Variants in FMNL2 observed in about 807,000 individuals in gnomAD.
FMNL2 encodes the protein formin like 2.
A neutral mutation model predicts 130.2 loss-of-function variants in FMNL2; 51 were observed. The observed-to-expected ratio is 0.39, with a 90% CI of 0.31 to 0.49. FMNL2 has a LOEUF of 0.49. Ranked by LOEUF, FMNL2 falls within the 20% of genes least tolerant of loss-of-function variation. The pLI is 0.85. For missense variants in FMNL2, 977 were observed against 1,316.2 expected (o/e 0.74, Z 3.99); for synonymous variants, 465 against 467.1 (o/e 1.00, Z 0.06).
intron 1 of FMNL2, among the ~76,000 whole-genome samples, chr2:152,447,959 C>A (rs998969129): frequency 2.6e-5 from 4 of 152,078 alleles, no homozygotes; most frequent in Non-Finnish European, 4.4e-5. Flanking sequence ...TGTAACAAGA[C>A]CACTAGTCTC....
intron 1 of FMNL2, among the ~76,000 whole-genome samples, chr2:152,394,389 G>T (rs1685283218): frequency 6.6e-6 from 1 of 151,946 alleles, no homozygotes. Flanking sequence ...GTTAGTACTG[G>T]GTTCACTAAC....
intron 9 of FMNL2, among the ~76,000 whole-genome samples, chr2:152,597,820 G>T (rs1697846399): frequency 6.6e-6 from 1 of 152,244 alleles, no homozygotes; most frequent in Non-Finnish European, 1.5e-5. Flanking sequence ...ATCTTGGGCT[G>T]GGTGGAAGTG....
chr2:152,480,238 C>G (rs549430555), intron 1 of FMNL2, among the ~76,000 whole-genome samples: 1 of 152,238 alleles, frequency 6.6e-6, no homozygotes, highest in African/African-American at 2.4e-5. Flanking sequence ...CTAATTTGAC[C>G]ACTACAACTC....
chr2:152,610,420 C>G (rs949499880), intron 10 of FMNL2, among the ~76,000 whole-genome samples: 1 of 152,110 alleles, frequency 6.6e-6, no homozygotes, highest in Non-Finnish European at 1.5e-5. Flanking sequence ...GCGTCACCCC[C>G]CCAGAAAAAA....
intron 1 of FMNL2, among the ~76,000 whole-genome samples, chr2:152,466,682 C>T (rs1689562203): frequency 6.6e-6 from 1 of 152,180 alleles, no homozygotes; most frequent in Non-Finnish European, 1.5e-5. Context: ...CTCAGGCTTT[C>T]CTTAGTATTA....
In FMNL2 at chr2:152,618,932, C is replaced by T. The variant is rs1367728138; in HGVS notation, c.1401C>T (p.Thr467=). The change falls in exon 14 of 26, where the codon ACC becomes ACT. Residue 467 remains threonine, a synonymous_variant. Coordinates refer to ENST00000288670, the MANE Select transcript of FMNL2 (RefSeq NM_052905.4). ...AAGAAGCAATTCAAAGACAGTCTAC[C>T]CTGGAAAAAAAGATTCATGAGCTAG... The part of the protein sequence containing the change: ...EKEEAIQRQS[T]LEKKIHELEK... The T allele has an allele frequency of 5.0e-6, 8 of 1,613,786 alleles. No homozygotes were observed. The highest frequency in any genetic ancestry group is 2.2e-5 in the East Asian group (1 of 44,886).
At chr2:152,632,180 G>T (rs746295013) in intron 21 of FMNL2, 43 bp downstream of exon 21, 2 of 1,585,808 alleles carry the variant, frequency 1.3e-6, no homozygotes, top group Non-Finnish European at 1.7e-6. Flanking sequence ...GGTATTTAAT[G>T]CCTTTAATTG....
intron 6 of FMNL2, among the ~76,000 whole-genome samples, chr2:152,562,058 T>G (rs1366837402): frequency 6.6e-6 from 1 of 152,194 alleles, no homozygotes; most frequent in Admixed American, 6.5e-5. Context: ...TTTTTGTGCT[T>G]CTTATTTGTC....
chr2:152,617,173 A>C lies in FMNL2; in HGVS notation c.1295A>C (p.Lys432Thr). The change falls in exon 13 of 26, where the codon AAG becomes ACG. Residue 432 changes from lysine to threonine, a missense_variant. Lys to Thr is a moderately conservative substitution (Grantham distance 78, BLOSUM62 -1). Coordinates refer to ENST00000288670, the MANE Select transcript of FMNL2 (RefSeq NM_052905.4). ...GAAAAGCAACTCATGCAGAGGAACA[A>C]GGAGCTGGATGTCGTTCGGGTAAGT... ...ELEKQLMQRN[K>T]ELDVVREIYK... 1.2e-6 allele frequency: 2 copies of C among 1,614,000 alleles called. No homozygotes were observed. The highest frequency in any genetic ancestry group is 1.7e-6 in the Non-Finnish European group (2 of 1,179,868).
chr2:152,537,214 C>T (rs1280031536), intron 2 of FMNL2, among the ~76,000 whole-genome samples: 5 of 152,222 alleles, frequency 3.3e-5, no homozygotes, highest in Non-Finnish European at 5.9e-5. Flanking sequence ...AATTAATTTA[C>T]TACACCCCTG....
At chr2:152,613,831 G>C (rs1698809462) in intron 11 of FMNL2, among the ~76,000 whole-genome samples, 1 of 152,220 alleles carries the variant, frequency 6.6e-6, no homozygotes, top group South Asian at 2.1e-4. Flanking sequence ...GTTCCCCAGG[G>C]AAAGTCATGA....
intron 1 of FMNL2, among the ~76,000 whole-genome samples, chr2:152,363,937 C>T (rs1024861479): frequency 2.0e-5 from 3 of 152,014 alleles, no homozygotes; most frequent in Admixed American, 1.3e-4. Flanking sequence ...TTTGCTATAG[C>T]AGACCCCAAA....
chr2:152,638,671 C>A (rs1682825581), intron 23 of FMNL2, among the ~76,000 whole-genome samples: 1 of 152,190 alleles, frequency 6.6e-6, no homozygotes, highest in Admixed American at 6.5e-5. Flanking sequence ...AGAAACACAG[C>A]ACAAACTCCG....
intron 1 of FMNL2, among the ~76,000 whole-genome samples, chr2:152,492,253 A>G (rs1343257257): frequency 6.6e-6 from 1 of 151,828 alleles, no homozygotes; most frequent in Non-Finnish European, 1.5e-5. Flanking sequence ...ATTTCTTGTT[A>G]GATCAGTCTC....
intron 1 of FMNL2, among the ~76,000 whole-genome samples, chr2:152,356,597 G>A (rs771168295): frequency 1.7e-4 from 26 of 152,224 alleles, no homozygotes; most frequent in Non-Finnish European, 2.9e-4. Flanking sequence ...AGACCACAAA[G>A]TGGTGAAAAA....
At chr2:152,618,742 CAT>C (rs1283718548) in intron 13 of FMNL2, 102 bp from the exon 14 acceptor site, 1 of 1,001,502 alleles carries the variant, frequency 1.0e-6, no homozygotes, top group African/African-American at 1.7e-5. Flanking sequence ...AATTCCCATT[CAT>C]ATGAGTATCT....
chr2:152,460,289 A>G (rs1689168760), intron 1 of FMNL2, among the ~76,000 whole-genome samples: 1 of 152,154 alleles, frequency 6.6e-6, no homozygotes, highest in African/African-American at 2.4e-5. Context: ...TAATGTGTTT[A>G]TTTGGTTTCA....
At chr2:152,623,153 T>A (rs960054840) in intron 15 of FMNL2, among the ~76,000 whole-genome samples, 1 of 152,190 alleles carries the variant, frequency 6.6e-6, no homozygotes. Context: ...GGCAAACTTC[T>A]AGCGAGCGTC....
chr2:152,586,780 T>A (rs2105751374), intron 9 of FMNL2, among the ~76,000 whole-genome samples: 1 of 152,342 alleles, frequency 6.6e-6, no homozygotes, highest in Admixed American at 6.5e-5. Flanking sequence ...TAATGTGGTG[T>A]TAGTGCTGCT....
Sources: gnomAD v4.1 joint callset for allele counts (sites outside exome capture counted in the v4.1 genomes callset) on GRCh38, gnomAD v4.1.1 for gene constraint, MANE v1.5 for transcripts, NCBI Gene and HGNC (gene_info 2026-07-23, HGNC 2026-07-21) for gene names.